Variants in RGL1 observed in about 807,000 individuals in gnomAD.
The protein encoded by RGL1 is ral guanine nucleotide dissociation stimulator-like 1.
Under a neutral mutation model 95.2 loss-of-function variants are expected in RGL1, and 24 were observed. That is an observed-to-expected ratio of 0.25 (90% CI 0.18 to 0.35). The LOEUF (loss-of-function observed/expected upper bound fraction) is 0.35. Among genes scored for constraint, RGL1 ranks in the 10% least tolerant of loss-of-function variants. RGL1 has a pLI of 1.00. For missense variants in RGL1, 715 were observed against 936.3 expected (o/e 0.76, Z 3.08); for synonymous variants, 329 against 344.9 (o/e 0.95, Z 0.51).
chr1:183,719,798 CA>C (rs1655889336), intron 1 of RGL1, among the ~76,000 whole-genome samples: 1 of 151,992 alleles, frequency 6.6e-6, no homozygotes, highest in Admixed American at 6.6e-5. Context: ...TCCAGCTACT[CA>C]GGGGGCTGAG....
chr1:183,785,806 C>T (rs1017174870), intron 2 of RGL1, among the ~76,000 whole-genome samples: 2 of 152,120 alleles, frequency 1.3e-5, no homozygotes, highest in South Asian at 2.1e-4. Flanking sequence ...TGCTTTTGGC[C>T]AGGTACAGTG....
intron 1 of RGL1, among the ~76,000 whole-genome samples, chr1:183,659,015 A>G (rs2102018959): frequency 6.6e-6 from 1 of 152,162 alleles, no homozygotes; most frequent in South Asian, 2.1e-4. Flanking sequence ...TAGAAGGAAA[A>G]CTAACAAACA....
intron 4 of RGL1, among the ~76,000 whole-genome samples, chr1:183,876,799 C>T (rs1368868018): frequency 6.6e-6 from 1 of 152,204 alleles, no homozygotes; most frequent in Non-Finnish European, 1.5e-5. Flanking sequence ...CATAGCATGG[C>T]TTGTATTCTG....
At chr1:183,912,306 C>T (rs1668695151) in intron 15 of RGL1, 38 bp downstream of exon 15, 1 of 1,536,772 alleles carries the variant, frequency 6.5e-7, no homozygotes, top group South Asian at 1.2e-5. Flanking sequence ...CTAATGCAGG[C>T]ACCTACATGC....
At chr1:183,757,017 G>T (rs945331976) in intron 2 of RGL1, among the ~76,000 whole-genome samples, 49 of 80,778 alleles carry the variant, frequency 6.1e-4, no homozygotes, top group African/African-American at 1.1e-3. Flanking sequence ...TGGGTGGTTT[G>T]TTTGTTTTTT....
chr1:183,816,646 T>G (rs1321065277), intron 2 of RGL1, among the ~76,000 whole-genome samples: 1 of 152,250 alleles, frequency 6.6e-6, no homozygotes, highest in East Asian at 1.9e-4. Context: ...TAAGTTTTTA[T>G]ACAAATATAA....
chr1:183,826,914 TTTTTCTTTTC>T (rs1003097582), intron 2 of RGL1, among the ~76,000 whole-genome samples: 2 of 152,120 alleles, frequency 1.3e-5, no homozygotes, highest in Admixed American at 6.5e-5. Flanking sequence ...TGTACCTTTT[TTTTTCTTTTC>T]TTTTCTTTTC....
chr1:183,891,490 G>A (rs1667411492), intron 8 of RGL1, among the ~76,000 whole-genome samples: 1 of 152,160 alleles, frequency 6.6e-6, no homozygotes, highest in African/African-American at 2.4e-5. Flanking sequence ...TTCAGAAAGT[G>A]AGTGGAGAGA....
At position 183,806,361 on chromosome 1, in the gene RGL1, C is replaced by T. The variant is rs1392511802; in HGVS notation, c.28-14C>T. 1 of 1,598,302 alleles carries T rather than the reference C, an allele frequency of 6.3e-7. No homozygotes were observed. Among genetic ancestry groups the T allele is most frequent in the African/African-American group, 1.3e-5 (1 of 74,692 alleles). On this transcript the variant is annotated splice_polypyrimidine_tract_variant and intron_variant, in intron 1 of 17. Coordinates refer to ENST00000360851, the MANE Select transcript of RGL1 (RefSeq NM_001297671.3). ...AAATACTCTTTTTCTTTCTCTTTAT[C>T]CCGTCCCTGGCAGAGCTCGATTCAG...
intron 2 of RGL1, among the ~76,000 whole-genome samples, chr1:183,786,056 C>T (rs893940317): frequency 3.3e-5 from 5 of 151,942 alleles, no homozygotes; most frequent in Non-Finnish European, 7.4e-5. Flanking sequence ...CCAGCCTGGG[C>T]AACAGAGCCA....
At chr1:183,687,712 T>A (rs928062253) in intron 1 of RGL1, among the ~76,000 whole-genome samples, 3 of 152,168 alleles carry the variant, frequency 2.0e-5, no homozygotes, top group African/African-American at 7.2e-5. Flanking sequence ...CAAAGAGAAG[T>A]GAATGCAAAA....
chr1:183,878,619 C>T (rs1666654700), intron 4 of RGL1, among the ~76,000 whole-genome samples: 1 of 152,020 alleles, frequency 6.6e-6, no homozygotes, highest in South Asian at 2.1e-4. Context: ...AGGTATTTTG[C>T]TTTTTTAGTT....
chr1:183,842,286 C>T (rs76074100), intron 2 of RGL1, among the ~76,000 whole-genome samples: 2,579 of 151,698 alleles, frequency 0.017, 65 homozygotes, highest in African/African-American at 0.054. Context: ...TAACACGTTC[C>T]CTGTTAAACT....
chr1:183,917,942 A>C (rs72733474), intron 16 of RGL1, among the ~76,000 whole-genome samples: 1 of 152,320 alleles, frequency 6.6e-6, no homozygotes, highest in Non-Finnish European at 1.5e-5. Flanking sequence ...AGCTGCTATC[A>C]TGTTCCATGT....
intron 4 of RGL1, among the ~76,000 whole-genome samples, chr1:183,873,997 T>G (rs1666339170): frequency 6.6e-6 from 1 of 152,192 alleles, no homozygotes; most frequent in Non-Finnish European, 1.5e-5. Context: ...AGAGTTCTAT[T>G]TATAACATGA....
chr1:183,727,919 T>A (rs1331140925), intron 1 of RGL1, among the ~76,000 whole-genome samples: 2 of 152,180 alleles, frequency 1.3e-5, no homozygotes, highest in African/African-American at 4.8e-5. Flanking sequence ...GGGGCCCAGG[T>A]GTTTGGTTAA....
At chr1:183,792,937 A>G (rs1309474903) in intron 2 of RGL1, among the ~76,000 whole-genome samples, 1 of 152,154 alleles carries the variant, frequency 6.6e-6, no homozygotes, top group Non-Finnish European at 1.5e-5. Context: ...TCCAAGAAAT[A>G]GAAAAAACAG....
chr1:183,674,733 A>G (rs1015472126), intron 1 of RGL1, among the ~76,000 whole-genome samples: 4 of 152,230 alleles, frequency 2.6e-5, no homozygotes, highest in African/African-American at 7.2e-5. Flanking sequence ...TGCATTATGT[A>G]CCGGTAGTGA....
At chr1:183,673,493 G>A (rs1334981487) in intron 1 of RGL1, among the ~76,000 whole-genome samples, 1 of 152,166 alleles carries the variant, frequency 6.6e-6, no homozygotes, top group Non-Finnish European at 1.5e-5. Context: ...CTTCATTGTT[G>A]ATTCCGTATG....
Sources: gnomAD v4.1 joint callset for allele counts (sites outside exome capture counted in the v4.1 genomes callset) on GRCh38, gnomAD v4.1.1 for gene constraint, MANE v1.5 for transcripts, NCBI Gene and HGNC (gene_info 2026-07-23, HGNC 2026-07-21) for gene names.